BCL2: variants seen among roughly 807,000 people sequenced by gnomAD.
The protein encoded by BCL2 is BCL2 apoptosis regulator, also known as apoptosis regulator Bcl-2.
In BCL2, 1 loss-of-function variant was observed where a neutral mutation model predicts 14.2. The observed-to-expected ratio is 0.07, with a 90% confidence interval of 0.02 to 0.33. BCL2 has a LOEUF of 0.33. BCL2 is among the 10% of genes least tolerant of loss of function. The pLI is 0.99. For missense variants in BCL2, 247 were observed against 305.9 expected (o/e 0.81, Z 1.44); for synonymous variants, 151 against 137.2 (o/e 1.10, Z -0.70).
intron 2 of BCL2, among the ~76,000 whole-genome samples, chr18:63,281,173 G>C (rs1021356224): frequency 1.3e-5 from 2 of 152,060 alleles, no homozygotes; most frequent in Non-Finnish European, 2.9e-5. Context: ...CTGCAGGCGT[G>C]GGGGAACAGG....
chr18:63,301,255 A>G (rs907716941), intron 2 of BCL2, among the ~76,000 whole-genome samples: 2 of 152,230 alleles, frequency 1.3e-5, no homozygotes, highest in African/African-American at 4.8e-5. Flanking sequence ...TAATGGGTAG[A>G]GTTTCCATTT....
chr18:63,286,673 G>A (rs1332900867), intron 2 of BCL2, among the ~76,000 whole-genome samples: 1 of 152,154 alleles, frequency 6.6e-6, no homozygotes, highest in Non-Finnish European at 1.5e-5. Flanking sequence ...GGTCATTGAA[G>A]GGGAGGTAGG....
intron 2 of BCL2, among the ~76,000 whole-genome samples, chr18:63,244,301 C>T (rs1198294783): frequency 6.6e-6 from 1 of 152,176 alleles, no homozygotes; most frequent in African/African-American, 2.4e-5. Flanking sequence ...TCACTTGAAC[C>T]TGGGAGGCGG....
At chr18:63,185,749 T>C (rs1915581135) in intron 2 of BCL2, among the ~76,000 whole-genome samples, 1 of 152,214 alleles carries the variant, frequency 6.6e-6, no homozygotes, top group Non-Finnish European at 1.5e-5. Flanking sequence ...TAACCCCACT[T>C]ACTAAGGAGG....
chr18:63,189,999 C>T (rs904307958), intron 2 of BCL2, among the ~76,000 whole-genome samples: 1 of 152,094 alleles, frequency 6.6e-6, no homozygotes, highest in Admixed American at 6.5e-5. Context: ...AACCAGAATA[C>T]GTCACTCTTC....
At chr18:63,269,637 G>A (rs999332702) in intron 2 of BCL2, among the ~76,000 whole-genome samples, 2 of 152,004 alleles carry the variant, frequency 1.3e-5, no homozygotes, top group Non-Finnish European at 2.9e-5. Flanking sequence ...TGTGCTTTTG[G>A]TAAAAAGCAA....
At chr18:63,220,807 T>C (rs7230177) in intron 2 of BCL2, among the ~76,000 whole-genome samples, 140,551 of 151,488 alleles carry the variant, frequency 0.93, 65,658 homozygotes, top group Non-Finnish European at 0.99. Context: ...TCCTGAAAGA[T>C]GTCTTCAAGG....
chr18:63,142,558 T>C (rs1298148811), intron 2 of BCL2, among the ~76,000 whole-genome samples: 1 of 152,174 alleles, frequency 6.6e-6, no homozygotes, highest in African/African-American at 2.4e-5. Flanking sequence ...CAACGTATAA[T>C]AGTCTTACTC....
chr18:63,213,133 T>C (rs1910093917), intron 2 of BCL2, among the ~76,000 whole-genome samples: 2 of 152,326 alleles, frequency 1.3e-5, no homozygotes, highest in South Asian at 4.1e-4. Flanking sequence ...TTTGCTCCCA[T>C]AACCTCCCCT....
intron 2 of BCL2, among the ~76,000 whole-genome samples, chr18:63,185,521 C>T (rs1160213231): frequency 6.6e-6 from 1 of 152,202 alleles, no homozygotes; most frequent in Non-Finnish European, 1.5e-5. Flanking sequence ...TATGGTATCT[C>T]ATTTGATTCT....
At chr18:63,167,482 A>G (rs1238077100) in intron 2 of BCL2, among the ~76,000 whole-genome samples, 4 of 152,176 alleles carry the variant, frequency 2.6e-5, no homozygotes, top group African/African-American at 9.7e-5. Context: ...CACATTTAAA[A>G]ATAAAATAGG....
chr18:63,141,167 C>T (rs1434480841), intron 2 of BCL2, among the ~76,000 whole-genome samples: 1 of 152,214 alleles, frequency 6.6e-6, no homozygotes, highest in Non-Finnish European at 1.5e-5. Context: ...TCTAAGAAGT[C>T]TCTCTCCGCT....
chr18:63,124,811 C>A lies in BCL2; in HGVS notation c.*3814G>T. 4.4e-6 allele frequency: 1 copy of A among 229,460 alleles called. No individual in the cohort carries two copies. The highest frequency in any genetic ancestry group is 8.7e-6 in the Non-Finnish European group (1 of 115,410). The allele number at this position is 229,460 out of a possible 1,614,324, so 14.2% of individuals were successfully genotyped here. A position where few individuals can be genotyped will look rare whatever the true frequency, so the allele number is the denominator to read the frequency against. ...GATCAGAATAGAATTTCAACTGACT[C>A]CCTAATTTCCTTAGAATGGCTTGTA... On this transcript the variant is annotated 3_prime_UTR_variant, in exon 3 of 3. Transcript: ENST00000333681.
chr18:63,136,388 T>C (rs942628177), intron 2 of BCL2, among the ~76,000 whole-genome samples: 4 of 152,224 alleles, frequency 2.6e-5, no homozygotes, highest in African/African-American at 9.6e-5. Flanking sequence ...AACCTGGCTA[T>C]GGCATCAAGT....
At chr18:63,310,007 C>T (rs923019632) in intron 2 of BCL2, among the ~76,000 whole-genome samples, 1 of 151,982 alleles carries the variant, frequency 6.6e-6, no homozygotes, top group African/African-American at 2.4e-5. Flanking sequence ...GGATTACAGG[C>T]GCCCACCACC....
At chr18:63,230,762 T>C (rs143455022) in intron 2 of BCL2, among the ~76,000 whole-genome samples, 2 of 152,048 alleles carry the variant, frequency 1.3e-5, no homozygotes, top group African/African-American at 2.4e-5. Context: ...AGTTGACACA[T>C]AAAAATATGG....
Position 63,318,409 on chromosome 18 carries a change from G to A in BCL2, c.258C>T (p.Leu86=), listed in dbSNP as rs768392602. 2.6e-6 allele frequency: 4 copies of A among 1,535,070 alleles called. No homozygotes were observed. The African/African-American group carries it at 4.2e-5, about 16-fold the overall frequency. The change falls in exon 2 of 3, where the codon CTC becomes CTT. Residue 86 remains leucine (L), a synonymous_variant. Coordinates refer to ENST00000333681, the MANE Select transcript of BCL2 (RefSeq NM_000633.3). This position sits in a 1 kb window ranked among gnomAD's most constrained non-coding sequence, Gnocchi z 7.4. ...AAPGAAAGPA[L]SPVPPVVHLT... Reference sequence around the variant, plus strand: ...GGTGGACCACAGGTGGCACCGGGCTGAGCGCAGGCCCCGCGGCGGCGCCGG... The same window carrying A: ...GGTGGACCACAGGTGGCACCGGGCTAAGCGCAGGCCCCGCGGCGGCGCCGG...
chr18:63,154,201 A>G (rs1425998354), intron 2 of BCL2, among the ~76,000 whole-genome samples: 1 of 152,072 alleles, frequency 6.6e-6, no homozygotes, highest in Non-Finnish European at 1.5e-5. Flanking sequence ...TTCTTTTCCT[A>G]TGGACACACC....
intron 2 of BCL2, among the ~76,000 whole-genome samples, chr18:63,276,555 A>G (rs1006127007): frequency 1.3e-5 from 2 of 152,218 alleles, no homozygotes; most frequent in African/African-American, 4.8e-5. Flanking sequence ...TTACCTGTCA[A>G]CACAAGGGTT....
Sources: allele counts gnomAD v4.1 joint callset (sites outside exome capture counted in the v4.1 genomes callset), GRCh38; gene constraint gnomAD v4.1.1; non-coding constraint Gnocchi (gnomAD v3.1); transcripts MANE v1.5; gene names NCBI Gene and HGNC (gene_info 2026-07-23, HGNC 2026-07-21).